Variants in NCAPD3 observed in about 807,000 individuals in gnomAD.
NCAPD3 encodes the protein condensin-2 complex subunit D3.
Under a neutral mutation model 182.9 loss-of-function variants are expected in NCAPD3, and 105 were observed. The ratio of observed to expected loss-of-function variants is 0.57; its 90% CI spans 0.49 to 0.68. NCAPD3 has a LOEUF of 0.68. NCAPD3 is among the 30% of genes least tolerant of loss of function. The probability of loss-of-function intolerance (pLI) is 0.00; values close to 1 mark genes in which losing one functional copy is unlikely to be tolerated. For missense variants in NCAPD3, 1,944 were observed against 1,837.0 expected, an observed-to-expected ratio of 1.06 and a Z score of -1.07; for synonymous variants, 815 against 679.9, an observed-to-expected ratio of 1.20 and a Z score of -3.09.
upstream of NCAPD3, chr11:134,225,311 C>T (rs781760540): frequency 5.6e-6 from 9 of 1,613,934 alleles, no homozygotes; most frequent in African/African-American, 9.3e-5. Flanking sequence ...GGCTGGAGCA[C>T]CAGGGCATCA....
chr11:134,195,739 T>A (rs947640638), intron 13 of NCAPD3, among the ~76,000 whole-genome samples: 1 of 152,140 alleles, frequency 6.6e-6, no homozygotes, highest in African/African-American at 2.4e-5. Context: ...GGCATTGTTT[T>A]AGAGTTTTGC....
In NCAPD3 at chr11:134,152,860, G is replaced by T. The variant is rs1183140806; in HGVS notation, c.*84C>A. ...AAGCGCTGCCCAAGGACTGCGGGAA[G>T]TGATCCAGCTGCCTTCACACGGAGG... is the stretch of plus-strand genomic sequence containing the variant. On this transcript the variant is annotated 3_prime_UTR_variant, in exon 35 of 35. Coordinates refer to ENST00000534548, the MANE Select transcript of NCAPD3 (RefSeq NM_015261.3). The T allele has an allele frequency of 8.8e-7, 1 of 1,131,018 alleles. No homozygotes were observed. The highest frequency in any genetic ancestry group is 2.3e-5 in the Admixed American group (1 of 42,822). 70.1% of individuals were successfully genotyped at this position (1,131,018 alleles called of 1,614,324 possible). A position where few individuals can be genotyped will look rare whatever the true frequency, so the allele number is the denominator to read the frequency against.
chr11:134,212,000 A>G (rs1163938853), intron 3 of NCAPD3, among the ~76,000 whole-genome samples: 1 of 152,212 alleles, frequency 6.6e-6, no homozygotes, highest in East Asian at 1.9e-4. Context: ...AAGAAGCTCA[A>G]TGAACCCAAT....
At chr11:134,172,509 T>C (rs1944032234) in intron 24 of NCAPD3, among the ~76,000 whole-genome samples, 1 of 152,204 alleles carries the variant, frequency 6.6e-6, no homozygotes, top group South Asian at 2.1e-4. Flanking sequence ...CCATCCTTGT[T>C]GTTGCCCCCT....
chr11:134,178,462 G>A (rs1944219298), intron 22 of NCAPD3, 172 bp downstream of exon 22: 4 of 448,474 alleles, frequency 8.9e-6, no homozygotes, highest in South Asian at 7.5e-5. Context: ...TGACCAGCAC[G>A]CAGTTATGCA....
At chr11:134,174,792 C>G (rs749280871) in intron 24 of NCAPD3, among the ~76,000 whole-genome samples, 1 of 152,104 alleles carries the variant, frequency 6.6e-6, no homozygotes, top group African/African-American at 2.4e-5. Flanking sequence ...CTAATTATCC[C>G]GATTTGATCA....
At chr11:134,177,909 T>C (rs1259543642) in intron 22 of NCAPD3, 1 of 154,084 alleles carries the variant, frequency 6.5e-6, no homozygotes, top group East Asian at 1.9e-4. Context: ...CTTTCTTTCT[T>C]GTTCATAGTT....
chr11:134,169,441 T>G (rs970173157), intron 24 of NCAPD3, among the ~76,000 whole-genome samples: 4 of 152,214 alleles, frequency 2.6e-5, no homozygotes, highest in Admixed American at 2.0e-4. Context: ...AAAAGGGATA[T>G]CTGGCCTTCA....
chr11:134,177,181 G>C (rs755632305), intron 23 of NCAPD3, 38 bp downstream of exon 23: 1 of 1,470,964 alleles, frequency 6.8e-7, no homozygotes, highest in Non-Finnish European at 9.5e-7. Context: ...CAGAAGCAAT[G>C]GTGAAGGGGA....
intron 22 of NCAPD3, chr11:134,177,813 T>C: frequency 4.9e-6 from 1 of 204,946 alleles, no homozygotes; most frequent in Non-Finnish European, 9.8e-6. Flanking sequence ...ATACATATCC[T>C]CTACAGATGC....
At chr11:134,179,153 A>G (rs570190326) in intron 20 of NCAPD3, among the ~76,000 whole-genome samples, 1 of 152,316 alleles carries the variant, frequency 6.6e-6, no homozygotes, top group East Asian at 1.9e-4. Context: ...TTTATCATCT[A>G]AATCTAGACA....
At chr11:134,190,402 GATTT>G (rs1267658911) in intron 16 of NCAPD3, among the ~76,000 whole-genome samples, 2 of 152,130 alleles carry the variant, frequency 1.3e-5, no homozygotes, top group African/African-American at 2.4e-5. Flanking sequence ...GCTTAATTTA[GATTT>G]ATCTATGTGT....
In NCAPD3 at chr11:134,177,410, C is replaced by T; in HGVS notation, c.2830G>A (p.Ala944Thr). 1 of 1,614,208 alleles carries T rather than the reference C, an allele frequency of 6.2e-7. No homozygotes were observed. The change falls in exon 23 of 35, where the codon GCC becomes ACC. Residue 944 changes from alanine to threonine, a missense_variant. Around this residue, in one of 3 missense-constraint regions of NCAPD3, gnomAD observed 1,803 missense variants for 1,674.6 expected, o/e 1.08. Transcript: ENST00000534548. ...CACACCTCGAGCTCTCGCACCAGGGCTGGGATGCTCTTCTTTGCCAGATCC... is the reference window on the plus strand; with the variant it reads ...CACACCTCGAGCTCTCGCACCAGGGTTGGGATGCTCTTCTTTGCCAGATCC... Reference protein sequence around the residue: ...HEDLAKKSIPALVRELEVCED... With the variant: ...HEDLAKKSIPTLVRELEVCED...
chr11:134,216,874 T>C, intron 3 of NCAPD3, 62 bp downstream of exon 3: 5 of 1,481,448 alleles, frequency 3.4e-6, no homozygotes, highest in Non-Finnish European at 4.5e-6. Flanking sequence ...AGTATAAGAA[T>C]TGAAAACTGT....
intron 27 of NCAPD3, among the ~76,000 whole-genome samples, chr11:134,163,325 C>A (rs1943645042): frequency 6.6e-6 from 1 of 152,142 alleles, no homozygotes; most frequent in Admixed American, 6.5e-5. Flanking sequence ...ATCTATCACC[C>A]AAAAGCTTCC....
At chr11:134,223,618 A>G (rs56125740) in intron 1 of NCAPD3, 10,026 of 659,438 alleles carry the variant, frequency 0.015, 159 homozygotes, top group Non-Finnish European at 0.018. Flanking sequence ...AAACAGATGC[A>G]CAGGCGCTAG....
In NCAPD3 at chr11:134,204,098, C is replaced by T. The variant is rs758002456; in HGVS notation, c.1163G>A (p.Gly388Glu). The change falls in exon 10 of 35, where the codon GGG (glycine) becomes GAG (glutamate). Residue 388 changes from glycine to glutamate, a missense_variant. Transcript: ENST00000534548. This position sits in a 1 kb window ranked among gnomAD's most constrained non-coding sequence, Gnocchi z 4.3. The stretch of plus-strand genomic sequence containing the variant: ...CCAGGCAATGAACATAGCGTATTCC[C>T]CACAAGGAAGTTTACTGAGCAGCTG... ...LVQLLSKLPCGEYAMFIAWLY... is the reference protein window; with the variant it reads ...LVQLLSKLPCEEYAMFIAWLY... 55 of 1,613,964 alleles carry T rather than the reference C, an allele frequency of 3.4e-5. No individual in the cohort carries two copies. The highest frequency in any genetic ancestry group is 4.5e-5 in the Non-Finnish European group (53 of 1,179,998).
chr11:134,189,181 G>C (rs979869968), intron 16 of NCAPD3, among the ~76,000 whole-genome samples: 1 of 152,098 alleles, frequency 6.6e-6, no homozygotes, highest in Admixed American at 6.5e-5. Context: ...ATTTGTAGTT[G>C]TATCACCCAT....
chr11:134,161,523 G>A (rs1943579397), intron 28 of NCAPD3, among the ~76,000 whole-genome samples: 1 of 152,224 alleles, frequency 6.6e-6, no homozygotes, highest in Admixed American at 6.5e-5. Context: ...AGATGGACTT[G>A]AACTCCATTA....
Sources: gnomAD v4.1 joint callset for allele counts (sites outside exome capture counted in the v4.1 genomes callset) on GRCh38, gnomAD v4.1.1 for gene constraint, gnomAD v4.1.1 regional missense constraint, Gnocchi (gnomAD v3.1) non-coding constraint, MANE v1.5 for transcripts, NCBI Gene and HGNC (gene_info 2026-07-23, HGNC 2026-07-21) for gene names.